GPC5: variants seen among roughly 807,000 people sequenced by gnomAD.
GPC5 encodes glypican 5, also known as glypican-5.
In GPC5, 47 loss-of-function variants were observed where a neutral mutation model predicts 53.9. That is an observed-to-expected ratio of 0.87 (90% CI 0.69 to 1.11). The LOEUF (loss-of-function observed/expected upper bound fraction) is 1.11. Ranked by LOEUF, GPC5 falls within the 50% of genes most tolerant of loss-of-function variation. The probability of loss-of-function intolerance (pLI) is 0.00; values close to 1 mark genes in which losing one functional copy is unlikely to be tolerated. For synonymous variants in GPC5, 286 were observed against 263.3 expected (o/e 1.09, Z -0.84); for missense variants, 748 against 713.1 (o/e 1.05, Z -0.56).
chr13:92,752,921 A>C (rs978194175), intron 7 of GPC5, among the ~76,000 whole-genome samples: 22 of 152,164 alleles, frequency 1.4e-4, no homozygotes, highest in Non-Finnish European at 2.6e-4. Context: ...GGAGGGGCGC[A>C]TACCATTGCC....
At chr13:92,638,576 G>A (rs143036635) in intron 7 of GPC5, among the ~76,000 whole-genome samples, 2 of 152,032 alleles carry the variant, frequency 1.3e-5, no homozygotes, top group African/African-American at 2.4e-5. Context: ...CTCTTTCTCA[G>A]ATTTTCTTAG....
chr13:92,064,336 C>A (rs374674683), intron 6 of GPC5, among the ~76,000 whole-genome samples: 3 of 152,202 alleles, frequency 2.0e-5, no homozygotes, highest in African/African-American at 7.2e-5. Context: ...TTACCAATAT[C>A]TGGGTCGCCC....
intron 7 of GPC5, among the ~76,000 whole-genome samples, chr13:92,320,248 G>A (rs995604676): frequency 1.3e-5 from 2 of 152,006 alleles, no homozygotes; most frequent in African/African-American, 4.8e-5. Context: ...TTTTTGCATT[G>A]AACAATCTAG....
intron 7 of GPC5, among the ~76,000 whole-genome samples, chr13:92,282,460 T>C (rs927133814): frequency 3.3e-5 from 5 of 151,890 alleles, no homozygotes; most frequent in Admixed American, 6.6e-5. Flanking sequence ...TTCACCAAAG[T>C]TGAAATGAAG....
chr13:91,667,117 G>A (rs1232968765), intron 2 of GPC5, among the ~76,000 whole-genome samples: 5 of 152,128 alleles, frequency 3.3e-5, no homozygotes, highest in Admixed American at 6.5e-5. Flanking sequence ...TACAGTGGTG[G>A]AATTTTATCA....
At chr13:92,810,895 T>C (rs1478831804) in intron 7 of GPC5, among the ~76,000 whole-genome samples, 1 of 151,892 alleles carries the variant, frequency 6.6e-6, no homozygotes, top group Non-Finnish European at 1.5e-5. Context: ...TAATTTTTTG[T>C]ATTTTTAGTA....
At chr13:92,404,167 G>C (rs1196360775) in intron 7 of GPC5, among the ~76,000 whole-genome samples, 2 of 152,154 alleles carry the variant, frequency 1.3e-5, no homozygotes, top group Non-Finnish European at 2.9e-5. Flanking sequence ...AATGTTTTCA[G>C]AATAGCTAAT....
In GPC5 at chr13:92,709,828, G is replaced by T. The variant is rs74638309; in HGVS notation, c.1562-156454G>T. On this transcript the variant is annotated intron_variant, in intron 7 of 7. Transcript: ENST00000377067. ...ACAATTGTAAAACATAATGCAATTT[G>T]CCAAAGTGAGTAGTTCAAGTGCAGG... Among the ~76,000 whole-genome samples, 104 of 152,332 alleles carry T rather than the reference G, an allele frequency of 6.8e-4. 1 individual carries two copies. The highest frequency in any genetic ancestry group is 2.2e-3 in the African/African-American group (92 of 41,582).
At chr13:91,908,692 A>G (rs2039580190) in intron 6 of GPC5, among the ~76,000 whole-genome samples, 1 of 152,112 alleles carries the variant, frequency 6.6e-6, no homozygotes, top group Non-Finnish European at 1.5e-5. Flanking sequence ...TATTAATTAG[A>G]ACCAAACATT....
intron 7 of GPC5, among the ~76,000 whole-genome samples, chr13:92,557,490 G>A (rs1372867122): frequency 6.6e-6 from 1 of 151,888 alleles, no homozygotes; most frequent in Admixed American, 6.6e-5. Context: ...AACACCTTGT[G>A]TAGCATAGAA....
intron 7 of GPC5, among the ~76,000 whole-genome samples, chr13:92,784,118 C>T (rs1594504935): frequency 6.6e-6 from 1 of 152,074 alleles, no homozygotes; most frequent in South Asian, 2.1e-4. Flanking sequence ...GCTATTTTAA[C>T]AATTAAAGAA....
intron 7 of GPC5, among the ~76,000 whole-genome samples, chr13:92,375,598 A>G (rs553028277): frequency 1.1e-4 from 17 of 152,230 alleles, no homozygotes; most frequent in Admixed American, 6.5e-4. Flanking sequence ...CCTGTATATG[A>G]TATATATTAA....
chr13:91,653,859 G>C (rs531328417), intron 2 of GPC5, among the ~76,000 whole-genome samples: 276 of 152,118 alleles, frequency 1.8e-3, no homozygotes, highest in African/African-American at 6.3e-3. Flanking sequence ...GATACATTTT[G>C]ACCTATGTAT....
intron 2 of GPC5, among the ~76,000 whole-genome samples, chr13:91,459,124 T>C (rs1480680130): frequency 6.6e-6 from 1 of 151,848 alleles, no homozygotes; most frequent in East Asian, 1.9e-4. Flanking sequence ...GCTTGGGTGA[T>C]GGGTGCACCA....
At chr13:91,526,164 T>C (rs749597462) in intron 2 of GPC5, among the ~76,000 whole-genome samples, 5 of 152,198 alleles carry the variant, frequency 3.3e-5, no homozygotes, top group Admixed American at 6.5e-5. Context: ...AGGAAGAAAT[T>C]AGTAGGGACA....
chr13:92,347,888 A>ATG (rs2043433767), intron 7 of GPC5, among the ~76,000 whole-genome samples: 1 of 20,932 alleles, frequency 4.8e-5, no homozygotes, highest in African/African-American at 4.2e-4. Flanking sequence ...TATATTATAT[A>ATG]TATTATATAT....
chr13:91,759,089 A>G (rs915788060), intron 5 of GPC5, among the ~76,000 whole-genome samples: 2 of 151,954 alleles, frequency 1.3e-5, no homozygotes, highest in Admixed American at 6.6e-5. Context: ...AATTCCCCCA[A>G]TACTTCACTT....
chr13:92,192,852 A>G (rs1180807729), intron 7 of GPC5, among the ~76,000 whole-genome samples: 1 of 152,204 alleles, frequency 6.6e-6, no homozygotes, highest in Non-Finnish European at 1.5e-5. Context: ...AATTTGAAAT[A>G]ATTTGAAAAA....
intron 5 of GPC5, among the ~76,000 whole-genome samples, chr13:91,876,544 C>T (rs1408182072): frequency 6.6e-6 from 1 of 152,090 alleles, no homozygotes; most frequent in Non-Finnish European, 1.5e-5. Context: ...ATTTGTGGAA[C>T]TTTGAACTTG....
Sources: gnomAD v4.1 joint callset for allele counts (sites outside exome capture counted in the v4.1 genomes callset) on GRCh38, gnomAD v4.1.1 for gene constraint, MANE v1.5 for transcripts, NCBI Gene and HGNC (gene_info 2026-07-23, HGNC 2026-07-21) for gene names.